THTPA: variants seen among roughly 807,000 people sequenced by gnomAD.
THTPA encodes thiamine triphosphatase.
In THTPA, 16 loss-of-function variants were observed where a neutral mutation model predicts 16.5. The observed-to-expected ratio is 0.97, with a 90% confidence interval of 0.66 to 1.47. The LOEUF is 1.47. THTPA is among the 40% of genes most tolerant of loss of function. The pLI is 0.00. For synonymous variants in THTPA, 110 were observed against 115.5 expected, an observed-to-expected ratio of 0.95 and a Z score of 0.30; for missense variants, 281 against 280.9, an observed-to-expected ratio of 1.00 and a Z score of 0.00.
chr14:23,558,375 A>G (rs1187430127), intron 1 of THTPA, among the ~76,000 whole-genome samples: 1 of 152,222 alleles, frequency 6.6e-6, no homozygotes, highest in Non-Finnish European at 1.5e-5. Context: ...GGAACAGGGT[A>G]ATAACTGAAA....
At chr14:23,549,171 C>T in the THTPA span, among the ~76,000 whole-genome samples, 1 of 152,140 alleles carries the variant, frequency 6.6e-6, no homozygotes, top group African/African-American at 2.4e-5. Context: ...TTGCTATCAA[C>T]ACGTTTTGTT....
the THTPA span, chr14:23,543,201 C>G: frequency 6.6e-6 from 1 of 152,176 alleles, no homozygotes. Context: ...CGTGCTAGGC[C>G]CTCGGCAAGT....
chr14:23,559,677 T>G lies in THTPA; in HGVS notation c.*837T>G. On this transcript the variant is annotated 3_prime_UTR_variant, in exon 2 of 2. Coordinates refer to ENST00000288014, the MANE Select transcript of THTPA (RefSeq NM_024328.6). ...GCGCCACCTGCTGGTAGCCCTCAGGTGTAGGTTCGAAGCTGCTGGGGCCCC... is the reference window on the plus strand; with the variant it reads ...GCGCCACCTGCTGGTAGCCCTCAGGGGTAGGTTCGAAGCTGCTGGGGCCCC... The G allele has an allele frequency of 7.2e-7, 1 of 1,386,836 alleles. No homozygotes were observed. The highest frequency in any genetic ancestry group is 2.4e-5 in the East Asian group (1 of 42,312). The allele number at this position is 1,386,836 out of a possible 1,614,324, so 85.9% of individuals were successfully genotyped here.
the THTPA span, chr14:23,521,204 C>T: frequency 2.9e-3 from 442 of 152,510 alleles, 2 homozygotes; most frequent in Non-Finnish European, 5.1e-3. Flanking sequence ...CTGGTGGCGG[C>T]ATCCCCTAGA....
chr14:23,553,987 C>T (rs959186160), upstream of THTPA, among the ~76,000 whole-genome samples: 2 of 147,124 alleles, frequency 1.4e-5, no homozygotes, highest in Non-Finnish European at 3.0e-5. Flanking sequence ...TCATTTGAAC[C>T]CAGGAGGCAG....
chr14:23,524,434 G>A, the THTPA span: 43 of 1,535,934 alleles, frequency 2.8e-5, no homozygotes, highest in Middle Eastern at 3.3e-4. This position sits in a 1 kb window ranked among gnomAD's most constrained non-coding sequence, Gnocchi z 5.6. Flanking sequence ...ACAAGCTGCC[G>A]TCCTCATGCT....
the THTPA span, chr14:23,523,027 C>T: frequency 7.1e-7 from 1 of 1,415,994 alleles, no homozygotes; most frequent in Non-Finnish European, 9.2e-7. The surrounding 1 kb of genome is among the most constrained non-coding windows in gnomAD (Gnocchi z 4.1). Context: ...GCCACACACA[C>T]CCGTTCCCAG....
the THTPA span, among the ~76,000 whole-genome samples, chr14:23,518,205 A>T: frequency 6.6e-6 from 1 of 152,142 alleles, no homozygotes; most frequent in Non-Finnish European, 1.5e-5. The surrounding 1 kb of genome is among the most constrained non-coding windows in gnomAD (Gnocchi z 4.5). Context: ...ATGGAGCTCT[A>T]TATTTCAGAT....
the THTPA span, chr14:23,527,543 TC>T: frequency 6.6e-7 from 1 of 1,524,996 alleles, no homozygotes; most frequent in Non-Finnish European, 8.8e-7. Flanking sequence ...TGCCTCTTCC[TC>T]CCCTCCTGCA....
At chr14:23,548,629 T>G in the THTPA span, among the ~76,000 whole-genome samples, 2 of 152,182 alleles carry the variant, frequency 1.3e-5, no homozygotes, top group African/African-American at 4.8e-5. Context: ...CTTTTTCATC[T>G]CTTTGCTTGT....
chr14:23,533,632 G>C, the THTPA span: 28 of 1,536,934 alleles, frequency 1.8e-5, no homozygotes, highest in Non-Finnish European at 2.4e-5. This position sits in a 1 kb window ranked among gnomAD's most constrained non-coding sequence, Gnocchi z 4.8. Context: ...GGATGATTTG[G>C]TCTTAGGCTC....
At chr14:23,543,770 CAT>C in the THTPA span, 2 of 152,102 alleles carry the variant, frequency 1.3e-5, no homozygotes, top group African/African-American at 2.4e-5. Flanking sequence ...AAGGTCTACA[CAT>C]GTGTATCCAT....
the THTPA span, among the ~76,000 whole-genome samples, chr14:23,541,704 T>G: frequency 6.6e-6 from 1 of 152,222 alleles, no homozygotes; most frequent in Admixed American, 6.5e-5. Context: ...AGGCTCACAT[T>G]TGGACAGAAG....
At chr14:23,549,997 G>GA in the THTPA span, among the ~76,000 whole-genome samples, 1 of 152,008 alleles carries the variant, frequency 6.6e-6, no homozygotes, top group Admixed American at 6.5e-5. Flanking sequence ...GAAACAGATG[G>GA]AAAAAAGGGG....
upstream of THTPA, among the ~76,000 whole-genome samples, chr14:23,553,314 G>C (rs1882107865): frequency 6.6e-6 from 1 of 152,220 alleles, no homozygotes; most frequent in South Asian, 2.1e-4. Context: ...AAAAAGCAGA[G>C]GCTGGCCGGG....
rs1883038703 is a variant in THTPA, at chr14:23,559,551, C to T, written c.*711C>T. ...TGTTATTCATACACACTTTCCACTT[C>T]AAATATACCCAAATATGGCTTTCCT... On this transcript the variant is annotated 3_prime_UTR_variant, in exon 2 of 2. Transcript: ENST00000288014. The T allele has an allele frequency of 1.7e-6, 1 of 585,644 alleles. No individual in the cohort carries two copies. Among genetic ancestry groups the T allele is most frequent in the Non-Finnish European group, 3.1e-6 (1 of 325,978 alleles). 36.3% of individuals were successfully genotyped at this position (585,644 alleles called of 1,614,324 possible). A position where few individuals can be genotyped will look rare whatever the true frequency, so the allele number is the denominator to read the frequency against.
chr14:23,543,226 T>A, the THTPA span: 2 of 152,250 alleles, frequency 1.3e-5, no homozygotes, highest in Non-Finnish European at 2.9e-5. Context: ...CATCACCTAA[T>A]CCTCCACTTC....
rs1882393991 is a variant in THTPA at position 23,556,570 on chromosome 14, A to G, written c.-188A>G. 1.4e-5 allele frequency: 9 copies of G among 624,122 alleles called. No homozygotes were observed. Among genetic ancestry groups the G allele is most frequent in the Non-Finnish European group, 2.2e-5 (8 of 363,492 alleles). The allele number at this position is 624,122 out of a possible 1,614,324, so 38.7% of individuals were successfully genotyped here. On this transcript the variant is annotated 5_prime_UTR_variant, in exon 1 of 2. Transcript: ENST00000288014. ...CTGTCAGAGCCTTAAAATATCACCG[A>G]CGGGGCCTTAATGTCACCGAGGTAG...
the THTPA span, chr14:23,529,368 G>A: frequency 3.4e-6 from 1 of 296,856 alleles, no homozygotes; most frequent in South Asian, 3.7e-5. Context: ...GGGATAAAGA[G>A]CTGGGCAGTA....
Sources: allele counts gnomAD v4.1 joint callset (sites outside exome capture counted in the v4.1 genomes callset), GRCh38; gene constraint gnomAD v4.1.1; non-coding constraint Gnocchi (gnomAD v3.1); transcripts MANE v1.5; gene names NCBI Gene and HGNC (gene_info 2026-07-23, HGNC 2026-07-21).